VPS53: variants seen among roughly 807,000 people sequenced by gnomAD.
VPS53 encodes vacuolar protein sorting-associated protein 53 homolog.
In VPS53, 70 loss-of-function variants were observed where a neutral mutation model predicts 107.0. The observed-to-expected ratio is 0.65, with a 90% CI of 0.54 to 0.80. VPS53 has a LOEUF of 0.80. VPS53 is among the 30% of genes least tolerant of loss of function. The probability of loss-of-function intolerance (pLI) is 0.00; values close to 1 mark genes in which losing one functional copy is unlikely to be tolerated. For synonymous variants in VPS53, 409 were observed against 393.3 expected (o/e 1.04, Z -0.47); for missense variants, 917 against 1,049.4 (o/e 0.87, Z 1.74).
intron 4 of VPS53, among the ~76,000 whole-genome samples, chr17:696,372 T>C (rs1972959878): frequency 6.6e-6 from 1 of 152,228 alleles, no homozygotes; most frequent in Non-Finnish European, 1.5e-5. Flanking sequence ...CGTAGGATTA[T>C]ATGCTCCTCC....
chr17:567,044 C>T (rs1191587956), intron 13 of VPS53, among the ~76,000 whole-genome samples: 3 of 152,166 alleles, frequency 2.0e-5, no homozygotes, highest in East Asian at 1.9e-4. Context: ...TGCGCCCAGC[C>T]GACTCTGATG....
chr17:592,989 C>T (rs1354371177), intron 12 of VPS53, among the ~76,000 whole-genome samples: 1 of 152,106 alleles, frequency 6.6e-6, no homozygotes, highest in Non-Finnish European at 1.5e-5. Context: ...GAACAGAGCC[C>T]TCAGAAATAA....
intron 4 of VPS53, among the ~76,000 whole-genome samples, chr17:665,299 G>A (rs546135447): frequency 5.3e-5 from 8 of 152,190 alleles, no homozygotes; most frequent in South Asian, 4.2e-4. Context: ...GGCGCTCGCC[G>A]CGGGACGACG....
chr17:553,337 G>T, intron 16 of VPS53, 43 bp downstream of exon 16: 1 of 1,586,706 alleles, frequency 6.3e-7, no homozygotes. Context: ...GCTGTGTAGT[G>T]GAGAAAGGGC....
intron 18 of VPS53, chr17:536,410 C>T (rs1214739386): frequency 1.3e-5 from 2 of 152,158 alleles, no homozygotes; most frequent in East Asian, 3.9e-4. Flanking sequence ...GTCAGAGAAA[C>T]AAAATGCATA....
chr17:714,714 C>T lies in VPS53; in HGVS notation c.-5G>A. The stretch of plus-strand genomic sequence containing the variant: ...CAGTTCCTCCTCCTCCATCATTCCG[C>T]CACCCGGCCCCCTGCCGACCCCCGC... On this transcript the variant is annotated 5_prime_UTR_variant, in exon 1 of 22. Transcript: ENST00000437048. 2.5e-6 allele frequency: 4 copies of T among 1,613,240 alleles called. No homozygotes were observed. The African/African-American group carries it at 4.0e-5, about 16-fold the overall frequency.
At chr17:640,966 T>C (rs1178384689) in intron 7 of VPS53, among the ~76,000 whole-genome samples, 1 of 152,152 alleles carries the variant, frequency 6.6e-6, no homozygotes, top group African/African-American at 2.4e-5. Flanking sequence ...GGGATTCTCC[T>C]GCCTCAGCTT....
At chr17:687,321 T>A (rs1972622306) in intron 4 of VPS53, among the ~76,000 whole-genome samples, 1 of 149,306 alleles carries the variant, frequency 6.7e-6, no homozygotes, top group African/African-American at 2.5e-5. Context: ...CTCATACCTG[T>A]AATCCCAGCA....
At chr17:634,047 G>T (rs1337530803) in intron 7 of VPS53, among the ~76,000 whole-genome samples, 1 of 152,206 alleles carries the variant, frequency 6.6e-6, no homozygotes, top group Non-Finnish European at 1.5e-5. Flanking sequence ...CACAGGGGAA[G>T]TCCAGCCGCT....
At chr17:552,704 C>G (rs767539726) in intron 16 of VPS53, 2 of 171,722 alleles carry the variant, frequency 1.2e-5, no homozygotes, top group Non-Finnish European at 2.5e-5. Flanking sequence ...TTATTCTTCA[C>G]AGTGAGACAA....
At position 710,774 on chromosome 17, in the gene VPS53, C is replaced by A. The variant is rs11657527; in HGVS notation, c.88-161G>T. Among the ~76,000 whole-genome samples the A allele has an allele frequency of 0.18, 27,157 of 151,838 alleles. 3,020 individuals are homozygous for A. Among genetic ancestry groups the A allele is most frequent in the South Asian group, 0.25 (1,209 of 4,806 alleles). On this transcript the variant is annotated intron_variant, in intron 1 of 21. Transcript: ENST00000437048. ...GCAGATGGATCACCTGAGGTCAGGT[C>A]TCTACTAAAAATAAAAACTTGGCTG...
At chr17:608,469 A>G (rs1968685778) in intron 11 of VPS53, among the ~76,000 whole-genome samples, 1 of 152,216 alleles carries the variant, frequency 6.6e-6, no homozygotes, top group Admixed American at 6.5e-5. Context: ...AGAAGCGTCA[A>G]AAATATACCC....
intron 4 of VPS53, among the ~76,000 whole-genome samples, chr17:662,484 TCA>T (rs1971475201): frequency 6.6e-6 from 1 of 151,898 alleles, no homozygotes; most frequent in Non-Finnish European, 1.5e-5. Context: ...GGTCAGGAGA[TCA>T]AGACCATCCT....
intron 12 of VPS53, among the ~76,000 whole-genome samples, chr17:590,798 T>G (rs1252135546): frequency 1.4e-5 from 2 of 144,056 alleles, no homozygotes; most frequent in African/African-American, 5.0e-5. Flanking sequence ...TATTGAGGAT[T>G]TTTGCATCAA....
intron 7 of VPS53, among the ~76,000 whole-genome samples, chr17:651,062 G>A (rs558386410): frequency 1.2e-4 from 19 of 152,240 alleles, no homozygotes; most frequent in African/African-American, 4.3e-4. Flanking sequence ...CGGAGAGATA[G>A]GATTAAAACT....
chr17:683,203 G>A (rs933139072), intron 4 of VPS53, among the ~76,000 whole-genome samples: 1 of 152,104 alleles, frequency 6.6e-6, no homozygotes. Flanking sequence ...CTAGGAGGAA[G>A]AGAGAACACA....
chr17:657,842 T>C (rs12942686), intron 5 of VPS53, among the ~76,000 whole-genome samples: 2 of 150,978 alleles, frequency 1.3e-5, no homozygotes, highest in Non-Finnish European at 3.0e-5. Flanking sequence ...TGGATAGATA[T>C]ATCCTCATTA....
At chr17:538,580 A>C (rs1045570528) in intron 17 of VPS53, 1 of 152,198 alleles carries the variant, frequency 6.6e-6, no homozygotes, top group African/African-American at 2.4e-5. Flanking sequence ...GGAAGCTCAA[A>C]TGACTCCTAA....
intron 3 of VPS53, among the ~76,000 whole-genome samples, chr17:698,290 G>A (rs567687351): frequency 2.0e-4 from 31 of 152,066 alleles, no homozygotes; most frequent in Admixed American, 8.5e-4. Context: ...AAAATTAGCT[G>A]GGCATGGTGG....
Sources: allele counts gnomAD v4.1 joint callset (sites outside exome capture counted in the v4.1 genomes callset), GRCh38; gene constraint gnomAD v4.1.1; transcripts MANE v1.5; gene names NCBI Gene and HGNC (gene_info 2026-07-23, HGNC 2026-07-21).